The following MROH2B variants were observed in gnomAD, a reference collection of about 807,000 sequenced individuals.
MROH2B encodes maestro heat-like repeat-containing protein family member 2B.
A neutral mutation model predicts 208.6 loss-of-function variants in MROH2B; 177 were observed. The observed-to-expected ratio is 0.85, with a 90% CI of 0.75 to 0.96. MROH2B has a LOEUF of 0.96. Among genes scored for constraint, MROH2B ranks in the 40% least tolerant of loss-of-function variants. The probability of loss-of-function intolerance (pLI) is 0.00; values close to 1 mark genes in which losing one functional copy is unlikely to be tolerated. For synonymous variants in MROH2B, 728 were observed against 659.0 expected, an observed-to-expected ratio of 1.10 and a Z score of -1.60; for missense variants, 2,002 against 1,878.7, an observed-to-expected ratio of 1.07 and a Z score of -1.21.
At chr5:41,021,659 C>G (rs1453542700) in intron 24 of MROH2B, among the ~76,000 whole-genome samples, 1 of 152,146 alleles carries the variant, frequency 6.6e-6, no homozygotes, top group Non-Finnish European at 1.5e-5. Context: ...GGGCTGAGAG[C>G]TTGAGCCCAG....
chr5:41,014,082 A>G (rs1009928782), intron 29 of MROH2B, among the ~76,000 whole-genome samples: 6 of 152,202 alleles, frequency 3.9e-5, no homozygotes, highest in Admixed American at 1.3e-4. Flanking sequence ...CACACTAGGA[A>G]TATGAGCCCC....
At chr5:41,044,384 C>G (rs1363043367) in intron 18 of MROH2B, among the ~76,000 whole-genome samples, 4 of 152,094 alleles carry the variant, frequency 2.6e-5, no homozygotes, top group Non-Finnish European at 5.9e-5. Flanking sequence ...AAATAGGTGG[C>G]TGTTATTTTA....
chr5:41,008,609 C>A lies in MROH2B; in HGVS notation c.3605G>T (p.Cys1202Phe), dbSNP rs749039135. The change falls in exon 33 of 42, where the codon TGC becomes TTC. Residue 1202 changes from cysteine to phenylalanine, a missense_variant. By Grantham distance (205) the Cys-to-Phe change is radical. Coordinates refer to ENST00000399564, the MANE Select transcript of MROH2B (RefSeq NM_173489.5). ...TGCTTCCTGATTGGCCGTTTACCTG[C>A]AGGGGTCTGGGATCTGCTGCTGTTC... ...QGEQQQIPDPCRLSTATLKCL... is the reference protein window; with the variant it reads ...QGEQQQIPDPFRLSTATLKCL... The A allele has an allele frequency of 1.2e-6, 2 of 1,613,384 alleles. No individual in the cohort carries two copies. The highest frequency in any genetic ancestry group is 4.5e-5 in the East Asian group (2 of 44,878).
intron 18 of MROH2B, among the ~76,000 whole-genome samples, chr5:41,044,390 T>C (rs1434370563): frequency 6.6e-6 from 1 of 152,174 alleles, no homozygotes; most frequent in Non-Finnish European, 1.5e-5. Flanking sequence ...GTGGCTGTTA[T>C]TTTAAACCAC....
intron 24 of MROH2B, among the ~76,000 whole-genome samples, chr5:41,019,967 A>G (rs1258252201): frequency 1.3e-5 from 2 of 151,672 alleles, no homozygotes; most frequent in Admixed American, 1.3e-4. Flanking sequence ...TTTTTTTTCT[A>G]TGCTCCTTTG....
chr5:41,028,117 A>G (rs116837593), intron 24 of MROH2B, among the ~76,000 whole-genome samples: 4,420 of 152,296 alleles, frequency 0.029, 205 homozygotes, highest in African/African-American at 0.1. Context: ...TAGCACACCA[A>G]CATGGGATAT....
At chr5:41,004,227 G>C (rs1037881659) in intron 37 of MROH2B, 119 bp downstream of exon 37, 5 of 1,184,212 alleles carry the variant, frequency 4.2e-6, no homozygotes, top group Non-Finnish European at 5.9e-6. Flanking sequence ...CAGGTGACCT[G>C]TCTGGGGCAG....
At chr5:41,031,144 A>C (rs1742554810) in intron 24 of MROH2B, among the ~76,000 whole-genome samples, 2 of 152,146 alleles carry the variant, frequency 1.3e-5, no homozygotes, top group South Asian at 4.1e-4. Context: ...TTTATAAAGG[A>C]AAGAGGTTTA....
At chr5:41,055,614 C>G in intron 10 of MROH2B, 128 bp downstream of exon 10, 4 of 623,200 alleles carry the variant, frequency 6.4e-6, no homozygotes, top group Non-Finnish European at 1.1e-5. Context: ...ATTAAGAAGA[C>G]AGAATTTCAT....
Position 41,067,217 on chromosome 5 carries a change from TC to T in MROH2B, c.91del (p.Glu31LysfsTer25). The T allele has an allele frequency of 1.3e-6, 2 of 1,533,860 alleles. No homozygotes were observed. Among genetic ancestry groups the T allele is most frequent in the Non-Finnish European group, 1.8e-6 (2 of 1,130,630 alleles). The stretch of plus-strand genomic sequence containing the variant: ...AGAAGTGAGATGACTGTAAATGTCT[TC>T]CTGTGAATATACAAAGGCATACACA... ...MLNKEDIVNK[E>X]DIYSHLTSVI... On this transcript the variant is annotated frameshift_variant and splice_region_variant, in exon 3 of 42. Transcript: ENST00000399564. LOFTEE classifies it high-confidence loss of function.
rs58129703 is a variant in MROH2B at position 41,005,425 on chromosome 5, C to CCTTCCT, written c.3864+105_3864+106insAGGAAG. On this transcript the variant is annotated intron_variant, in intron 35 of 41. Transcript: ENST00000399564. The stretch of plus-strand genomic sequence containing the variant: ...TCTCCTCTATGAAACCCCCCCCCCC[C>CCTTCCT]TTGAAGTCTCTCTTCCCTGGTTCCA... The CCTTCCT allele has an allele frequency of 2.2e-3, 483 of 216,714 alleles. 19 individuals are homozygous for CCTTCCT. Among genetic ancestry groups the CCTTCCT allele is most frequent in the Middle Eastern group, 5.2e-3 (3 of 576 alleles). 13.4% of individuals were successfully genotyped at this position (216,714 alleles called of 1,614,324 possible). A position where few individuals can be genotyped will look rare whatever the true frequency, so the allele number is the denominator to read the frequency against.
chr5:41,013,770 C>A (rs531797180), intron 29 of MROH2B, among the ~76,000 whole-genome samples: 26 of 152,290 alleles, frequency 1.7e-4, no homozygotes, highest in African/African-American at 5.8e-4. Context: ...TGTTTTTGAG[C>A]GCCTATTATG....
In MROH2B at chr5:41,033,874, A is replaced by T. The variant is rs1362248058; in HGVS notation, c.2215-10T>A. 8 of 1,549,072 alleles carry T rather than the reference A, an allele frequency of 5.2e-6. No individual in the cohort carries two copies. Among genetic ancestry groups the T allele is most frequent in the African/African-American group, 2.7e-5 (2 of 72,844 alleles). On this transcript the variant is annotated splice_polypyrimidine_tract_variant and intron_variant, in intron 21 of 41. Transcript: ENST00000399564. ...CAGACATGCCCAGAACCTAAAAAAA[A>T]TCAAAGGCAAAATTAGATACTCAAT...
chr5:41,035,519 A>G (rs1032604254), intron 21 of MROH2B, among the ~76,000 whole-genome samples: 1 of 152,182 alleles, frequency 6.6e-6, no homozygotes, highest in Non-Finnish European at 1.5e-5. Flanking sequence ...AAATACCAAC[A>G]GAGTAAACAG....
At chr5:41,035,942 G>A (rs1020850787) in intron 21 of MROH2B, among the ~76,000 whole-genome samples, 1 of 152,030 alleles carries the variant, frequency 6.6e-6, no homozygotes, top group African/African-American at 2.4e-5. Flanking sequence ...ATTTCTCAAA[G>A]AACTTAAAAC....
At chr5:41,057,503 C>T (rs996775980) in intron 7 of MROH2B, 143 bp from the exon 8 acceptor site, 16 of 610,226 alleles carry the variant, frequency 2.6e-5, no homozygotes, top group Admixed American at 5.9e-5. Flanking sequence ...TGATTCTGGC[C>T]CCTTCCACCC....
chr5:41,025,759 C>T (rs1742334681), intron 24 of MROH2B, among the ~76,000 whole-genome samples: 1 of 152,162 alleles, frequency 6.6e-6, no homozygotes, highest in Non-Finnish European at 1.5e-5. Flanking sequence ...ACCAATATCC[C>T]TGATGAACAT....
In MROH2B at chr5:41,038,627, T is replaced by A. The variant is rs142906189; in HGVS notation, c.2214+109A>T. 8.3e-3 allele frequency: 9,337 copies of A among 1,122,196 alleles called. 105 individuals carry two copies. The highest frequency in any genetic ancestry group is 0.042 in the South Asian group (2,191 of 51,926). The allele number at this position is 1,122,196 out of a possible 1,614,324, so 69.5% of individuals were successfully genotyped here. On this transcript the variant is annotated intron_variant, in intron 21 of 41. Coordinates refer to ENST00000399564, the MANE Select transcript of MROH2B (RefSeq NM_173489.5). ...TATTAGTCTGTTTTCACGTGGCTGA[T>A]AAAAACATACCCAAGTCTGGGAAGG...
At chr5:41,039,307 A>G (rs1204852809) in intron 20 of MROH2B, 141 bp downstream of exon 20, 5 of 561,972 alleles carry the variant, frequency 8.9e-6, no homozygotes, top group African/African-American at 1.9e-5. Context: ...CATCCTATAA[A>G]GACTGGGCTT....
Sources: allele counts gnomAD v4.1 joint callset (sites outside exome capture counted in the v4.1 genomes callset), GRCh38; gene constraint gnomAD v4.1.1; transcripts MANE v1.5; gene names NCBI Gene and HGNC (gene_info 2026-07-23, HGNC 2026-07-21).